The following RAPGEF4 variants were observed in gnomAD, a reference collection of about 807,000 sequenced individuals.
RAPGEF4 encodes the protein RAP guanine-nucleotide-exchange factor (GEF) 4.
In RAPGEF4, 66 loss-of-function variants were observed where a neutral mutation model predicts 147.9. That is an observed-to-expected ratio of 0.45 (90% CI 0.37 to 0.55). RAPGEF4 has a LOEUF of 0.55. Ranked by LOEUF, RAPGEF4 falls within the 20% of genes least tolerant of loss-of-function variation. The probability of loss-of-function intolerance (pLI) is 0.00; values close to 1 mark genes in which losing one functional copy is unlikely to be tolerated. For missense variants in RAPGEF4, 1,071 were observed against 1,257.3 expected, an observed-to-expected ratio of 0.85 and a Z score of 2.24; for synonymous variants, 419 against 442.7, an observed-to-expected ratio of 0.95 and a Z score of 0.67.
chr2:173,028,919 A>G (rs1249069998), intron 25 of RAPGEF4, among the ~76,000 whole-genome samples: 1 of 152,246 alleles, frequency 6.6e-6, no homozygotes, highest in Non-Finnish European at 1.5e-5. Flanking sequence ...GCATAGAGAA[A>G]TTTCATGACT....
intron 27 of RAPGEF4, among the ~76,000 whole-genome samples, chr2:173,035,171 C>T (rs986588041): frequency 1.3e-5 from 2 of 152,036 alleles, no homozygotes; most frequent in East Asian, 3.9e-4. Flanking sequence ...CCCCCGACCT[C>T]AGCCTTCCAA....
At chr2:173,000,169 AT>A (rs1416788742) in intron 16 of RAPGEF4, among the ~76,000 whole-genome samples, 2 of 152,202 alleles carry the variant, frequency 1.3e-5, no homozygotes, top group Admixed American at 1.3e-4. Flanking sequence ...CTGGCTCAGT[AT>A]AACGGGACTG....
At chr2:172,836,537 G>A (rs1321143355) in intron 4 of RAPGEF4, among the ~76,000 whole-genome samples, 1 of 152,210 alleles carries the variant, frequency 6.6e-6, no homozygotes, top group Admixed American at 6.5e-5. Context: ...GGTAAGAAGG[G>A]TATTGTCCTG....
At chr2:172,905,107 CT>C (rs1575190222) in intron 4 of RAPGEF4, among the ~76,000 whole-genome samples, 2 of 152,148 alleles carry the variant, frequency 1.3e-5, no homozygotes, top group East Asian at 3.9e-4. Context: ...CTCGCTTCCC[CT>C]ATCCCCCAAG....
intron 4 of RAPGEF4, among the ~76,000 whole-genome samples, chr2:172,859,379 C>G (rs1693773428): frequency 6.6e-6 from 1 of 152,218 alleles, no homozygotes; most frequent in Admixed American, 6.5e-5. Flanking sequence ...TGATATATTT[C>G]CTCTTCCCAA....
intron 3 of RAPGEF4, among the ~76,000 whole-genome samples, chr2:172,803,980 A>G (rs912859035): frequency 1.3e-5 from 2 of 152,176 alleles, no homozygotes; most frequent in Non-Finnish European, 2.9e-5. Flanking sequence ...CAGTGCAGAA[A>G]AGACCTGCCC....
chr2:172,892,436 A>T (rs1022943610), intron 4 of RAPGEF4, among the ~76,000 whole-genome samples: 1 of 152,048 alleles, frequency 6.6e-6, no homozygotes, highest in African/African-American at 2.4e-5. Context: ...GCACATCAAC[A>T]CCCCTCCCTA....
At chr2:172,891,851 T>C (rs192019104) in intron 4 of RAPGEF4, among the ~76,000 whole-genome samples, 1 of 152,344 alleles carries the variant, frequency 6.6e-6, no homozygotes, top group Admixed American at 6.5e-5. Flanking sequence ...TTTGCTGTCA[T>C]TGGTAGTGGG....
chr2:172,796,389 T>C (rs1298182110), intron 2 of RAPGEF4, among the ~76,000 whole-genome samples: 1 of 152,088 alleles, frequency 6.6e-6, no homozygotes, highest in Non-Finnish European at 1.5e-5. Flanking sequence ...ATTGAGACCA[T>C]CCTGGTTAAC....
intron 1 of RAPGEF4, among the ~76,000 whole-genome samples, chr2:172,794,764 T>A (rs1686205703): frequency 6.6e-6 from 1 of 152,226 alleles, no homozygotes; most frequent in South Asian, 2.1e-4. Context: ...TACCAGAGTA[T>A]CACCTTGAAC....
At chr2:172,912,611 G>A (rs1201840082) in intron 4 of RAPGEF4, among the ~76,000 whole-genome samples, 1 of 152,114 alleles carries the variant, frequency 6.6e-6, no homozygotes, top group Non-Finnish European at 1.5e-5. Flanking sequence ...TTTGAACTCT[G>A]CAAGTCCTAG....
chr2:172,953,883 A>G (rs1688469608), intron 6 of RAPGEF4, among the ~76,000 whole-genome samples: 1 of 152,180 alleles, frequency 6.6e-6, no homozygotes, highest in Non-Finnish European at 1.5e-5. Context: ...ACTGGTCAAG[A>G]CAAATTTTTC....
intron 27 of RAPGEF4, among the ~76,000 whole-genome samples, chr2:173,035,261 C>A (rs982845212): frequency 5.3e-5 from 8 of 151,894 alleles, no homozygotes; most frequent in Non-Finnish European, 1.2e-4. Context: ...ATAATCCCAG[C>A]ACTTTGGGAG....
At chr2:172,971,995 A>G (rs1690538817) in intron 10 of RAPGEF4, among the ~76,000 whole-genome samples, 1 of 148,242 alleles carries the variant, frequency 6.7e-6, no homozygotes, top group South Asian at 2.2e-4. Flanking sequence ...AACGTGAGAT[A>G]TATTGGCTTC....
chr2:172,918,371 C>CACACACACACA (rs1553529400), intron 5 of RAPGEF4, among the ~76,000 whole-genome samples: 2 of 137,638 alleles, frequency 1.5e-5, no homozygotes, highest in Admixed American at 7.3e-5. Context: ...GATGCTCTTA[C>CACACACACACA]CACACACACA....
intron 6 of RAPGEF4, among the ~76,000 whole-genome samples, chr2:172,929,697 T>C (rs1685723651): frequency 6.6e-6 from 1 of 152,174 alleles, no homozygotes; most frequent in African/African-American, 2.4e-5. Flanking sequence ...TATTGATCAA[T>C]CTCAGGCCGT....
At chr2:172,797,138 A>G (rs1465516252) in intron 2 of RAPGEF4, among the ~76,000 whole-genome samples, 2 of 152,232 alleles carry the variant, frequency 1.3e-5, no homozygotes, top group Non-Finnish European at 2.9e-5. Context: ...TTGGTTTTTT[A>G]AATCAATCAT....
At chr2:172,889,957 C>G (rs1697713856) in intron 4 of RAPGEF4, 1 of 421,376 alleles carries the variant, frequency 2.4e-6, no homozygotes, top group Non-Finnish European at 3.2e-6. Flanking sequence ...GGGTTTATTT[C>G]TGTAGCCATA....
chr2:172,996,328 T>C, intron 15 of RAPGEF4, 138 bp from the exon 16 acceptor site: 1 of 485,214 alleles, frequency 2.1e-6, no homozygotes, highest in South Asian at 3.6e-5. Context: ...TGACAAAGTG[T>C]GTGGTCTCTC....
Sources: gnomAD v4.1 joint callset for allele counts (sites outside exome capture counted in the v4.1 genomes callset) on GRCh38, gnomAD v4.1.1 for gene constraint, MANE v1.5 for transcripts, NCBI Gene and HGNC (gene_info 2026-07-23, HGNC 2026-07-21) for gene names.